Variants in FXYD6 observed in about 807,000 individuals in gnomAD.
FXYD6 encodes FXYD domain-containing ion transport regulator 6.
A neutral mutation model predicts 16.7 loss-of-function variants in FXYD6; 7 were observed. That is an observed-to-expected ratio of 0.42 (90% CI 0.24 to 0.79). The LOEUF is 0.79. Ranked by LOEUF, FXYD6 falls within the 30% of genes least tolerant of loss-of-function variation. FXYD6 has a pLI of 0.28. For synonymous variants in FXYD6, 49 were observed against 43.0 expected, an observed-to-expected ratio of 1.14 and a Z score of -0.54; for missense variants, 111 against 116.2, an observed-to-expected ratio of 0.95 and a Z score of 0.21.
intron 1 of FXYD6, among the ~76,000 whole-genome samples, chr11:117,858,989 T>C (rs1591579014): frequency 6.6e-6 from 1 of 151,896 alleles, no homozygotes; most frequent in African/African-American, 2.4e-5. Context: ...TTGGCCAGGG[T>C]GGTCTCCAAC....
intron 1 of FXYD6, among the ~76,000 whole-genome samples, chr11:117,860,181 C>A (rs112511584): frequency 6.6e-6 from 1 of 152,088 alleles, no homozygotes; most frequent in Admixed American, 6.5e-5. Context: ...AGGTTTCCTT[C>A]GATCCCAGAG....
chr11:117,858,648 T>C (rs917583957), intron 1 of FXYD6, among the ~76,000 whole-genome samples: 4 of 50,954 alleles, frequency 7.9e-5, no homozygotes, highest in Admixed American at 4.3e-4. Flanking sequence ...TCTTTCTTTC[T>C]TTCTTTCTTT....
chr11:117,841,950 A>G (rs2056356141), intron 3 of FXYD6, 40 bp downstream of exon 3: 1 of 1,614,034 alleles, frequency 6.2e-7, no homozygotes, highest in Non-Finnish European at 8.5e-7. Context: ...GCAGGGCTGC[A>G]TTCCCCCTGA....
At chr11:117,859,878 C>A (rs978956542) in intron 1 of FXYD6, among the ~76,000 whole-genome samples, 3 of 152,212 alleles carry the variant, frequency 2.0e-5, no homozygotes, top group Non-Finnish European at 4.4e-5. Flanking sequence ...TCGTACGCTA[C>A]TCAGATCCAC....
At chr11:117,865,831 G>C (rs1244638683) in intron 1 of FXYD6, among the ~76,000 whole-genome samples, 1 of 151,974 alleles carries the variant, frequency 6.6e-6, no homozygotes, top group Non-Finnish European at 1.5e-5. Flanking sequence ...GGAGGCTGAG[G>C]CAGGAGAATT....
chr11:117,864,358 C>T (rs2056969426), intron 1 of FXYD6, among the ~76,000 whole-genome samples: 1 of 152,132 alleles, frequency 6.6e-6, no homozygotes, highest in African/African-American at 2.4e-5. Context: ...GTCTTTTCAA[C>T]AAGTAAGTGC....
At chr11:117,849,764 A>G (rs114739397) in intron 1 of FXYD6, among the ~76,000 whole-genome samples, 2,946 of 152,178 alleles carry the variant, frequency 0.019, 98 homozygotes, top group African/African-American at 0.067. Context: ...AGGCCTCGGT[A>G]GCTGAAGGCC....
intron 4 of FXYD6, 62 bp downstream of exon 4, chr11:117,841,729 C>A: frequency 6.3e-7 from 1 of 1,597,100 alleles, no homozygotes; most frequent in Non-Finnish European, 8.6e-7. Flanking sequence ...CTCACACTGT[C>A]CCCACCTGCT....
chr11:117,857,553 C>T (rs1393839077), intron 1 of FXYD6, among the ~76,000 whole-genome samples: 2 of 152,008 alleles, frequency 1.3e-5, no homozygotes, highest in African/African-American at 4.8e-5. Flanking sequence ...GGATTACAGG[C>T]ACGCGCCACC....
rs748177133 is a variant in FXYD6, at chr11:117,838,209, A to T, written c.*90T>A. The T allele has an allele frequency of 1.4e-6, 1 of 702,552 alleles. No homozygotes were observed. 43.5% of individuals were successfully genotyped at this position (702,552 alleles called of 1,614,324 possible). A position where few individuals can be genotyped will look rare whatever the true frequency, so the allele number is the denominator to read the frequency against. Reference sequence around the variant, plus strand: ...CTCCTGGGGAAAGGGCTGTTGCTGAAGTGGCCGGTTTTCTTAAGCATCGAC... The same window carrying T: ...CTCCTGGGGAAAGGGCTGTTGCTGATGTGGCCGGTTTTCTTAAGCATCGAC... On this transcript the variant is annotated 3_prime_UTR_variant, in exon 8 of 8. Transcript: ENST00000526014.
chr11:117,847,812 C>T (rs544814854), intron 1 of FXYD6, among the ~76,000 whole-genome samples: 35 of 152,186 alleles, frequency 2.3e-4, no homozygotes, highest in Admixed American at 3.9e-4. Context: ...GTGAATAGTG[C>T]GGCAATAAAC....
chr11:117,877,104 C>T (rs2057288442), upstream of FXYD6: 1 of 152,300 alleles, frequency 6.6e-6, no homozygotes, highest in South Asian at 2.1e-4. Flanking sequence ...CAATAGTAAA[C>T]CCCGAGGAAC....
intron 7 of FXYD6, 166 bp downstream of exon 7, chr11:117,839,615 T>A: frequency 1.4e-6 from 1 of 722,914 alleles, no homozygotes; most frequent in Non-Finnish European, 2.3e-6. Flanking sequence ...TCCTGGTCTC[T>A]CTCACAGCCC....
intron 1 of FXYD6, among the ~76,000 whole-genome samples, chr11:117,851,939 T>C (rs542252398): frequency 1.3e-5 from 2 of 152,362 alleles, no homozygotes; most frequent in East Asian, 3.9e-4. Flanking sequence ...TGTTATATCA[T>C]ATAAGACTCA....
intron 5 of FXYD6, 149 bp from the exon 6 acceptor site, chr11:117,840,517 A>G (rs496164): frequency 0.5 from 500,772 of 1,004,488 alleles, 130,420 homozygotes; most frequent in Non-Finnish European, 0.53. Flanking sequence ...TGTGGGATGC[A>G]TGGGACAGAG....
intron 1 of FXYD6, among the ~76,000 whole-genome samples, chr11:117,863,061 A>C (rs1324487901): frequency 6.6e-6 from 1 of 152,190 alleles, no homozygotes; most frequent in Non-Finnish European, 1.5e-5. Flanking sequence ...TCACAACTCC[A>C]TGGGATGTTG....
At chr11:117,869,990 TGGGCCCCAGCCTGGTCCGTG>T (rs1472556382) in intron 1 of FXYD6, among the ~76,000 whole-genome samples, 4 of 152,234 alleles carry the variant, frequency 2.6e-5, no homozygotes, top group Non-Finnish European at 5.9e-5. Flanking sequence ...CCCCATTCTC[TGGGCCCCAGCCTGGTCCGTG>T]GGGCCCCAGC....
At chr11:117,863,569 C>T (rs574865848) in intron 1 of FXYD6, among the ~76,000 whole-genome samples, 1 of 151,690 alleles carries the variant, frequency 6.6e-6, no homozygotes, top group African/African-American at 2.4e-5. Flanking sequence ...AGGATATCCA[C>T]TTTCACCATT....
chr11:117,859,199 C>T (rs553463085), intron 1 of FXYD6, among the ~76,000 whole-genome samples: 1 of 152,356 alleles, frequency 6.6e-6, no homozygotes, highest in South Asian at 2.1e-4. Context: ...GCCAGTGTGT[C>T]CCGACCGCAG....
Sources: gnomAD v4.1 joint callset for allele counts (sites outside exome capture counted in the v4.1 genomes callset) on GRCh38, gnomAD v4.1.1 for gene constraint, MANE v1.5 for transcripts, NCBI Gene and HGNC (gene_info 2026-07-23, HGNC 2026-07-21) for gene names.